The following HFM1 variants were observed in gnomAD, a reference collection of about 807,000 sequenced individuals.
The protein encoded by HFM1 is probable ATP-dependent DNA helicase HFM1.
A neutral mutation model predicts 192.1 loss-of-function variants in HFM1; 169 were observed. The ratio of observed to expected loss-of-function variants is 0.88; its 90% confidence interval spans 0.78 to 1.00. HFM1 has a LOEUF of 1.00. Among genes scored for constraint, HFM1 ranks in the 50% least tolerant of loss-of-function variants. The pLI, the probability that HFM1 is intolerant of heterozygous loss-of-function variation, is 0.00. For synonymous variants in HFM1, 525 were observed against 537.8 expected (o/e 0.98, Z 0.33); for missense variants, 1,661 against 1,668.0 (o/e 1.00, Z 0.07).
intron 3 of HFM1, 138 bp from the exon 4 acceptor site, chr1:91,394,540 A>T: frequency 1.7e-6 from 1 of 593,406 alleles, no homozygotes; most frequent in South Asian, 2.2e-5. Context: ...GCTCATCTGT[A>T]ATACCATATA....
At chr1:91,288,163 C>T (rs1098471) in intron 30 of HFM1, among the ~76,000 whole-genome samples, 72,018 of 148,372 alleles carry the variant, frequency 0.49, 18,275 homozygotes, top group African/African-American at 0.65. Flanking sequence ...ATACAGAGAA[C>T]GCCACAGAGA....
intron 13 of HFM1, among the ~76,000 whole-genome samples, chr1:91,367,635 A>G (rs1659551064): frequency 6.6e-6 from 1 of 152,084 alleles, no homozygotes; most frequent in Non-Finnish European, 1.5e-5. Flanking sequence ...AAAGGTAGAT[A>G]AAACCATAAA....
intron 34 of HFM1, among the ~76,000 whole-genome samples, chr1:91,268,282 C>T (rs1665953285): frequency 6.6e-6 from 1 of 151,922 alleles, no homozygotes; most frequent in Non-Finnish European, 1.5e-5. Flanking sequence ...AAATGGTCTT[C>T]CTCCTCCAGA....
At position 91,396,311 on chromosome 1, in the gene HFM1, C is replaced by G; in HGVS notation, c.166G>C (p.Glu56Gln). ...AATTTACCTAACAGTTTATGACTTT[C>G]TAATTCTTCCTCTAACTCCTGAGTA... ...PDTQELEEEL[E>Q]SHKLLGQEKR... The change falls in exon 3 of 39, where the codon GAA becomes CAA. Residue 56 changes from glutamate (E) to glutamine (Q), a missense_variant. Glu to Gln is a conservative substitution (Grantham distance 29). Coordinates refer to ENST00000370425, the MANE Select transcript of HFM1 (RefSeq NM_001017975.6). The G allele has an allele frequency of 1.9e-6, 3 of 1,561,190 alleles. No homozygotes were observed. The highest frequency in any genetic ancestry group is 2.6e-6 in the Non-Finnish European group (3 of 1,136,446).
At position 91,297,998 on chromosome 1, in the gene HFM1, G is replaced by A. The variant is rs974249136; in HGVS notation, c.3391+15351C>T. On this transcript the variant is annotated intron_variant, in intron 30 of 38. Coordinates refer to ENST00000370425, the MANE Select transcript of HFM1 (RefSeq NM_001017975.6). ...GATGATCCAACTACTCCAAGCTAAA[G>A]GAGGAAGTTTGAACCCATGGCAAAG... is the stretch of plus-strand genomic sequence containing the variant. 2.4e-4 allele frequency among the ~76,000 whole-genome samples: 36 copies of A among 152,064 alleles called. 1 individual carries two copies. Among genetic ancestry groups the A allele is most frequent in the African/African-American group, 8.7e-4 (36 of 41,406 alleles).
chr1:91,374,388 T>C (rs923520547), intron 13 of HFM1, among the ~76,000 whole-genome samples: 10 of 152,048 alleles, frequency 6.6e-5, no homozygotes, highest in African/African-American at 2.4e-4. Flanking sequence ...CTATGCTATG[T>C]AGAGAATAAA....
chr1:91,319,631 A>G (rs1237158113), intron 23 of HFM1, among the ~76,000 whole-genome samples: 3 of 151,892 alleles, frequency 2.0e-5, no homozygotes, highest in Non-Finnish European at 4.4e-5. Context: ...TATTCACTCA[A>G]TCTCTCTCTA....
chr1:91,286,462 G>C (rs1379636967), intron 30 of HFM1, among the ~76,000 whole-genome samples: 3 of 152,114 alleles, frequency 2.0e-5, no homozygotes. Context: ...CTCTGCCTCT[G>C]TCTTTGCATG....
At chr1:91,328,697 G>T in intron 20 of HFM1, 1 of 1,602,746 alleles carries the variant, frequency 6.2e-7, no homozygotes, top group Non-Finnish European at 8.5e-7. Flanking sequence ...CTGCGGGGCT[G>T]AGGCAGAGAA....
intron 30 of HFM1, among the ~76,000 whole-genome samples, chr1:91,294,834 T>C (rs951734384): frequency 6.6e-5 from 10 of 152,212 alleles, no homozygotes; most frequent in Non-Finnish European, 1.3e-4. Flanking sequence ...TTGGTGAACA[T>C]ATATGCACAC....
chr1:91,347,658 A>G (rs2101690543), intron 18 of HFM1, among the ~76,000 whole-genome samples, 182 bp from the exon 19 acceptor site: 1 of 152,322 alleles, frequency 6.6e-6, no homozygotes, highest in African/African-American at 2.4e-5. Context: ...TCATATTTTA[A>G]CAAGAATGGT....
Position 91,316,145 on chromosome 1 carries a change from C to A in HFM1, c.2938G>T (p.Glu980Ter). Residue 980 changes from glutamate (E) to a stop codon, truncating the protein, a stop_gained, in exon 27 of 39, where the codon GAA (glutamate) becomes TAA (stop). Coordinates refer to ENST00000370425, the MANE Select transcript of HFM1 (RefSeq NM_001017975.6). LOFTEE classifies it high-confidence loss of function. ...RHPPFGTQIKETVMYLPKYEL... is the reference protein window; with the variant it reads ...RHPPFGTQIK ...TATTTTGGTAGATACATCACAGTTT[C>A]TTTTATCTGGGTTCCAAAGGGGGGA... The A allele has an allele frequency of 6.3e-7, 1 of 1,593,306 alleles. No individual in the cohort carries two copies. The highest frequency in any genetic ancestry group is 8.6e-7 in the Non-Finnish European group (1 of 1,165,448).
intron 26 of HFM1, 91 bp downstream of exon 26, chr1:91,316,300 C>A: frequency 9.9e-7 from 1 of 1,008,686 alleles, no homozygotes; most frequent in Non-Finnish European, 1.5e-6. Flanking sequence ...AGTTGAAATA[C>A]TTATAACTAT....
chr1:91,306,850 C>T (rs375781565), intron 30 of HFM1, among the ~76,000 whole-genome samples: 32 of 152,142 alleles, frequency 2.1e-4, no homozygotes, highest in African/African-American at 7.7e-4. Context: ...CTAACAATTG[C>T]TTCAATTTCA....
intron 38 of HFM1, 168 bp from the exon 39 acceptor site, chr1:91,261,527 G>C (rs1458663228): frequency 2.6e-6 from 1 of 378,784 alleles, no homozygotes; most frequent in Non-Finnish European, 4.8e-6. Flanking sequence ...AAGTCTGTTG[G>C]GGAAAATTAG....
In HFM1 at chr1:91,315,828, G is replaced by A. The variant is rs758285341; in HGVS notation, c.3127C>T (p.Leu1043=). The A allele has an allele frequency of 1.9e-6, 3 of 1,608,532 alleles. No homozygotes were observed. ...TTTCACACTTACGTAATCTTGTGCA[G>A]ATAAACTACTTGATTATCTGCGTCA... ...IGDADNQVVY[L]HKITDSVLLK... is the part of the protein sequence containing the mutation. Residue 1043 remains leucine (L), a synonymous_variant, in exon 28 of 39, where the codon CTG becomes TTG. Transcript: ENST00000370425.
At chr1:91,268,789 G>A (rs1666004525) in intron 34 of HFM1, among the ~76,000 whole-genome samples, 1 of 151,932 alleles carries the variant, frequency 6.6e-6, no homozygotes, top group African/African-American at 2.4e-5. Context: ...TGTTTTATCT[G>A]TAGTCAACCT....
At position 91,376,634 on chromosome 1, in the gene HFM1, A is replaced by T. The variant is rs531795296; in HGVS notation, c.1396-907T>A. On this transcript the variant is annotated intron_variant, in intron 11 of 38. Coordinates refer to ENST00000370425, the MANE Select transcript of HFM1 (RefSeq NM_001017975.6). ...CAAATGACATAACCTGGCAAGTTTT[A>T]AAAAAAGAACTCAAAGTAGTTGATA... 1.1e-3 allele frequency among the ~76,000 whole-genome samples: 173 copies of T among 152,040 alleles called. 1 individual carries two copies. The highest frequency in any genetic ancestry group is 4.1e-3 in the African/African-American group (171 of 41,544).
intron 8 of HFM1, 140 bp from the exon 9 acceptor site, chr1:91,379,354 G>A: frequency 3.0e-6 from 2 of 667,012 alleles, no homozygotes; most frequent in Non-Finnish European, 5.0e-6. Context: ...AACAATATAG[G>A]CACATTATTT....
Sources: allele counts gnomAD v4.1 joint callset (sites outside exome capture counted in the v4.1 genomes callset), GRCh38; gene constraint gnomAD v4.1.1; transcripts MANE v1.5; gene names NCBI Gene and HGNC (gene_info 2026-07-23, HGNC 2026-07-21).